LOXHD1: variants seen among roughly 807,000 people sequenced by gnomAD.
The protein encoded by LOXHD1 is lipoxygenase homology PLAT domains 1.
In LOXHD1, 205 loss-of-function variants were observed where a neutral mutation model predicts 248.2. The observed-to-expected ratio is 0.83, with a 90% CI of 0.74 to 0.93. LOXHD1 has a LOEUF of 0.93. LOXHD1 is among the 40% of genes least tolerant of loss of function. LOXHD1 has a pLI of 0.00. For synonymous variants in LOXHD1, 1,113 were observed against 1,162.8 expected (o/e 0.96, Z 0.87); for missense variants, 2,930 against 2,971.6 (o/e 0.99, Z 0.33).
chr18:46,534,628 T>G (rs1202603902), intron 26 of LOXHD1, among the ~76,000 whole-genome samples, 177 bp from the exon 27 acceptor site: 1 of 152,204 alleles, frequency 6.6e-6, no homozygotes, highest in Non-Finnish European at 1.5e-5. Context: ...GCCATGCTTA[T>G]GCCTCATGTC....
intron 36 of LOXHD1, among the ~76,000 whole-genome samples, chr18:46,507,276 G>A (rs1054341914): frequency 2.0e-5 from 3 of 152,188 alleles, no homozygotes; most frequent in Non-Finnish European, 2.9e-5. Flanking sequence ...TCAAGTGCCT[G>A]TACCATTTCC....
At chr18:46,570,821 G>A (rs973959817) in intron 15 of LOXHD1, among the ~76,000 whole-genome samples, 1 of 152,218 alleles carries the variant, frequency 6.6e-6, no homozygotes, top group African/African-American at 2.4e-5. Flanking sequence ...CAAAGCCGTC[G>A]TGGGCCACAT....
In LOXHD1 at chr18:46,622,191, A is replaced by G. The variant is rs9959872; in HGVS notation, c.512-3901T>C. On this transcript the variant is annotated intron_variant, in intron 4 of 40. Coordinates refer to ENST00000642948, the MANE Select transcript of LOXHD1 (RefSeq NM_001384474.1). ...TTTTTCTGTAAAGCACCAGATAGGA[A>G]ATATTTTAGGATTTGCAGGCCATTT... Among the ~76,000 whole-genome samples the G allele has an allele frequency of 1.1e-3, 166 of 152,280 alleles. No individual in the cohort carries two copies. The Middle Eastern group carries it at 0.014, about 12-fold the overall frequency.
chr18:46,610,634 A>C, intron 6 of LOXHD1, 142 bp downstream of exon 6: 1 of 893,272 alleles, frequency 1.1e-6, no homozygotes, highest in Non-Finnish European at 1.6e-6. Flanking sequence ...GGAGGACAGA[A>C]TGGCTGGCCA....
intron 5 of LOXHD1, among the ~76,000 whole-genome samples, chr18:46,613,779 A>G (rs1432872348): frequency 6.6e-6 from 1 of 152,198 alleles, no homozygotes; most frequent in Non-Finnish European, 1.5e-5. Flanking sequence ...ATTTTCCTGC[A>G]TCTATCAAGA....
At chr18:46,492,971 TCTC>T (rs1383878841) in intron 37 of LOXHD1, among the ~76,000 whole-genome samples, 2 of 152,258 alleles carry the variant, frequency 1.3e-5, no homozygotes, top group African/African-American at 4.8e-5. Context: ...TTTTGTCACT[TCTC>T]CATATAAAAT....
chr18:46,596,580 G>T (rs1296385786), intron 8 of LOXHD1, among the ~76,000 whole-genome samples: 1 of 152,080 alleles, frequency 6.6e-6, no homozygotes, highest in Non-Finnish European at 1.5e-5. Flanking sequence ...AGGTAGACAG[G>T]GAAAAATCTG....
chr18:46,648,050 A>G (rs1446597460), intron 2 of LOXHD1, among the ~76,000 whole-genome samples: 3 of 152,214 alleles, frequency 2.0e-5, no homozygotes, highest in East Asian at 3.9e-4. Flanking sequence ...TAAAGCCAGG[A>G]GTTCAAGACC....
intron 5 of LOXHD1, among the ~76,000 whole-genome samples, chr18:46,615,812 G>A (rs2038578248): frequency 1.3e-5 from 2 of 152,054 alleles, no homozygotes; most frequent in Admixed American, 6.6e-5. Flanking sequence ...CTATGATTCT[G>A]TATTTGCCAA....
chr18:46,627,703 TGTGA>T (rs1373971416), intron 4 of LOXHD1, among the ~76,000 whole-genome samples: 1 of 152,090 alleles, frequency 6.6e-6, no homozygotes, highest in Non-Finnish European at 1.5e-5. Flanking sequence ...TTCCCAGGTG[TGTGA>T]GTGACACTGA....
At chr18:46,567,387 C>A (rs1412141413) in intron 16 of LOXHD1, among the ~76,000 whole-genome samples, 6 of 152,228 alleles carry the variant, frequency 3.9e-5, no homozygotes, top group Non-Finnish European at 8.8e-5. Flanking sequence ...GTAATGGCAA[C>A]AACGTCAGAG....
intron 5 of LOXHD1, among the ~76,000 whole-genome samples, chr18:46,614,221 A>G (rs1175671608): frequency 6.6e-6 from 1 of 152,232 alleles, no homozygotes; most frequent in African/African-American, 2.4e-5. Context: ...ATTACTGGGT[A>G]TATACCCAAA....
Position 46,505,879 on chromosome 18 carries a change from A to T in LOXHD1, c.5837T>A (p.Leu1946Ter). ...GACCCTCAGCTTGCAGAGGTGGCCCAAGCTCAGCATGTCAGGGAAGTTGAA... is the reference window on the plus strand; with the variant it reads ...GACCCTCAGCTTGCAGAGGTGGCCCTAGCTCAGCATGTCAGGGAAGTTGAA... ...DTFNFPDMLS[L>*]GHLCKLRVWH... Residue 1946 changes from leucine (L) to a stop codon, truncating the protein, a stop_gained, in exon 37 of 41, where the codon TTG (leucine) becomes TAG (stop). Coordinates refer to ENST00000642948, the MANE Select transcript of LOXHD1 (RefSeq NM_001384474.1). LOFTEE classifies it high-confidence loss of function. The T allele has an allele frequency of 6.4e-7, 1 of 1,551,778 alleles. No homozygotes were observed. The highest frequency in any genetic ancestry group is 8.7e-7 in the Non-Finnish European group (1 of 1,147,008).
chr18:46,492,135 G>T (rs544223462), intron 37 of LOXHD1, among the ~76,000 whole-genome samples: 33 of 152,310 alleles, frequency 2.2e-4, no homozygotes, highest in African/African-American at 5.5e-4. Flanking sequence ...CTGATGTCAT[G>T]TGTCTGGATT....
chr18:46,516,204 T>G (rs903605686), intron 34 of LOXHD1, among the ~76,000 whole-genome samples: 3 of 152,176 alleles, frequency 2.0e-5, no homozygotes, highest in Non-Finnish European at 4.4e-5. Context: ...TTATTTCACC[T>G]CTATGTGTCT....
intron 22 of LOXHD1, 134 bp downstream of exon 22, chr18:46,546,761 G>A: frequency 1.0e-6 from 1 of 998,628 alleles, no homozygotes; most frequent in Non-Finnish European, 1.4e-6. Context: ...AGGAATGAGA[G>A]GGCAATACAA....
intron 4 of LOXHD1, among the ~76,000 whole-genome samples, chr18:46,619,923 C>T (rs931162584): frequency 6.6e-6 from 1 of 152,236 alleles, no homozygotes; most frequent in Admixed American, 6.5e-5. Context: ...GACTCCCACA[C>T]CTCTTGCTTT....
chr18:46,612,854 G>A lies in LOXHD1; in HGVS notation c.611-1930C>T, dbSNP rs75900108. Among the ~76,000 whole-genome samples, 725 of 152,008 alleles carry A rather than the reference G, an allele frequency of 4.8e-3. 20 individuals carry two copies. The East Asian group carries it at 0.073, about 15-fold the overall frequency. Reference sequence around the variant, plus strand: ...GACAATTGTTCAAATACCAGTAATCGAACATTTCATCTTTTCCTTCTGATT... The same window carrying A: ...GACAATTGTTCAAATACCAGTAATCAAACATTTCATCTTTTCCTTCTGATT... On this transcript the variant is annotated intron_variant, in intron 5 of 40. Transcript: ENST00000642948.
chr18:46,523,688 T>G (rs2035689266), intron 31 of LOXHD1, among the ~76,000 whole-genome samples: 1 of 152,158 alleles, frequency 6.6e-6, no homozygotes, highest in South Asian at 2.1e-4. Flanking sequence ...TGTCTCTTCC[T>G]GGCTGGAATT....
Sources: gnomAD v4.1 joint callset for allele counts (sites outside exome capture counted in the v4.1 genomes callset) on GRCh38, gnomAD v4.1.1 for gene constraint, MANE v1.5 for transcripts, NCBI Gene and HGNC (gene_info 2026-07-23, HGNC 2026-07-21) for gene names.